TFPI: variants seen among roughly 807,000 people sequenced by gnomAD.
TFPI encodes tissue factor pathway inhibitor.
TFPI carries 15 observed loss-of-function variants against 34.6 expected under a neutral mutation model. That is an observed-to-expected ratio of 0.43 (90% CI 0.29 to 0.67). TFPI has a LOEUF of 0.67. TFPI is among the 30% of genes least tolerant of loss of function. The pLI, the probability that TFPI is intolerant of heterozygous loss-of-function variation, is 0.15. For synonymous variants in TFPI, 105 were observed against 120.1 expected, an observed-to-expected ratio of 0.87 and a Z score of 0.82; for missense variants, 301 against 364.0, an observed-to-expected ratio of 0.83 and a Z score of 1.41.
intron 3 of TFPI, 59 bp downstream of exon 3, chr2:187,496,822 C>A: frequency 7.0e-7 from 1 of 1,419,250 alleles, no homozygotes; most frequent in Non-Finnish European, 9.7e-7. Flanking sequence ...TTATCAAATC[C>A]ATAATTAGAC....
chr2:187,530,514 C>G (rs1687906973), intron 1 of TFPI, among the ~76,000 whole-genome samples: 1 of 152,188 alleles, frequency 6.6e-6, no homozygotes, highest in Admixed American at 6.5e-5. Flanking sequence ...TATCTCTTCA[C>G]TTTTGGCATC....
chr2:187,512,182 C>T (rs1019058438), intron 1 of TFPI, among the ~76,000 whole-genome samples: 4 of 150,570 alleles, frequency 2.7e-5, no homozygotes, highest in Admixed American at 6.6e-5. Flanking sequence ...CACTCTGTAG[C>T]GGCAACTGCT....
intron 1 of TFPI, among the ~76,000 whole-genome samples, chr2:187,546,441 A>G (rs549775310): frequency 7.4e-4 from 112 of 151,468 alleles, no homozygotes; most frequent in Non-Finnish European, 1.4e-3. Context: ...GAAAAAAAAC[A>G]AATAAAAGTT....
At chr2:187,483,102 C>T (rs1237396576) in intron 6 of TFPI, among the ~76,000 whole-genome samples, 1 of 151,894 alleles carries the variant, frequency 6.6e-6, no homozygotes, top group Non-Finnish European at 1.5e-5. Flanking sequence ...TTTAATGCTT[C>T]AAATCCACGT....
At chr2:187,522,815 CG>C (rs1440263669) in intron 1 of TFPI, among the ~76,000 whole-genome samples, 9 of 150,964 alleles carry the variant, frequency 6.0e-5, no homozygotes, top group Non-Finnish European at 1.3e-4. Context: ...GGCGTGAACC[CG>C]GGAGGTAGAG....
At chr2:187,526,136 A>T (rs373383620) in intron 1 of TFPI, among the ~76,000 whole-genome samples, 4 of 152,302 alleles carry the variant, frequency 2.6e-5, no homozygotes, top group South Asian at 4.1e-4. Flanking sequence ...ACAGAAGCTC[A>T]GTATTTATAG....
intron 6 of TFPI, among the ~76,000 whole-genome samples, chr2:187,471,964 T>A (rs1176739377): frequency 2.6e-5 from 4 of 152,052 alleles, no homozygotes; most frequent in African/African-American, 9.7e-5. Context: ...TAACAAATCT[T>A]TTTTAAAGTT....
At chr2:187,527,834 T>C (rs1475361261) in intron 1 of TFPI, among the ~76,000 whole-genome samples, 2 of 152,134 alleles carry the variant, frequency 1.3e-5, no homozygotes, top group Non-Finnish European at 2.9e-5. Flanking sequence ...GTATGTTGAA[T>C]AGTGCTATGC....
At chr2:187,528,685 T>C (rs1272907494) in intron 1 of TFPI, among the ~76,000 whole-genome samples, 3 of 152,288 alleles carry the variant, frequency 2.0e-5, no homozygotes, top group Admixed American at 1.3e-4. Context: ...TTTTCTCATT[T>C]GTATCTCATA....
chr2:187,524,375 T>C (rs1687572340), intron 1 of TFPI, among the ~76,000 whole-genome samples: 1 of 152,034 alleles, frequency 6.6e-6, no homozygotes, highest in African/African-American at 2.4e-5. Context: ...ACCAGTAATG[T>C]CTTCCTTTCT....
chr2:187,521,909 T>A (rs1428976944), intron 1 of TFPI, among the ~76,000 whole-genome samples: 2 of 152,056 alleles, frequency 1.3e-5, no homozygotes, highest in African/African-American at 4.8e-5. Context: ...ATGTTACATT[T>A]CGAGTTTTTA....
chr2:187,507,816 T>G (rs1686333921), intron 1 of TFPI, among the ~76,000 whole-genome samples: 1 of 152,206 alleles, frequency 6.6e-6, no homozygotes, highest in African/African-American at 2.4e-5. Context: ...TTAGTTTAAT[T>G]AGATCCCATT....
Position 187,503,773 on chromosome 2 carries a change from G to A in TFPI, c.-2-3C>T. The A allele has an allele frequency of 6.2e-7, 1 of 1,611,988 alleles. No individual in the cohort carries two copies. The highest frequency in any genetic ancestry group is 8.5e-7 in the Non-Finnish European group (1 of 1,178,784). On this transcript the variant is annotated splice_region_variant and splice_polypyrimidine_tract_variant and intron_variant, in intron 1 of 7. Coordinates refer to ENST00000233156, the MANE Select transcript of TFPI (RefSeq NM_006287.6). ...TTTCTTCATTGTGTAAATCATCTCT[G>A]AAATACAGAACCCATACATATCTAA...
At chr2:187,543,862 C>T (rs918042929) in intron 1 of TFPI, among the ~76,000 whole-genome samples, 8 of 152,186 alleles carry the variant, frequency 5.3e-5, no homozygotes, top group Non-Finnish European at 1.0e-4. Flanking sequence ...TCTCCTCCTT[C>T]TATTTGTCCT....
Position 187,503,826 on chromosome 2 carries a change from T to G in TFPI, c.-2-56A>C, listed in dbSNP as rs886462977. The G allele has an allele frequency of 1.1e-5, 17 of 1,584,566 alleles. No individual in the cohort carries two copies. In the Admixed American group the frequency reaches 2.9e-4, roughly 27 times the overall value. Reference sequence around the variant, plus strand: ...AATAAAGTGTTAATATGCACTCATTTACAGACTAGTAAACATCATATGTGT... The same window carrying G: ...AATAAAGTGTTAATATGCACTCATTGACAGACTAGTAAACATCATATGTGT... On this transcript the variant is annotated intron_variant, in intron 1 of 7. Transcript: ENST00000233156.
chr2:187,472,409 G>A (rs1692097198), intron 6 of TFPI, among the ~76,000 whole-genome samples: 1 of 152,076 alleles, frequency 6.6e-6, no homozygotes, highest in African/African-American at 2.4e-5. Context: ...TTAGAATTAT[G>A]CAAAATCTAT....
At position 187,526,323 on chromosome 2, in the gene TFPI, CAGGTCT is replaced by C. The variant is rs1442880679; in HGVS notation, c.-2-22559_-2-22554del. Among the ~76,000 whole-genome samples the C allele has an allele frequency of 2.0e-5, 3 of 152,160 alleles. No individual in the cohort carries two copies. The South Asian group carries it at 6.2e-4, about 32-fold the overall frequency. On this transcript the variant is annotated intron_variant, in intron 1 of 7. Coordinates refer to ENST00000233156, the MANE Select transcript of TFPI (RefSeq NM_006287.6). ...CTACAAGTGGTAAGGTGAAGCAGTACAGGTCTCAATGTAAAAGACATGTTCTAAAGA... is the reference window on the plus strand; with the variant it reads ...CTACAAGTGGTAAGGTGAAGCAGTACCAATGTAAAAGACATGTTCTAAAGA...
intron 5 of TFPI, 135 bp from the exon 6 acceptor site, chr2:187,484,351 G>A (rs1443258768): frequency 7.7e-6 from 5 of 653,286 alleles, no homozygotes; most frequent in African/African-American, 5.5e-5. Flanking sequence ...TTAGCAAACA[G>A]TGAATCTTTA....
At position 187,503,228 on chromosome 2, in the gene TFPI, G is replaced by C. The variant is rs190749965; in HGVS notation, c.121+420C>G. On this transcript the variant is annotated intron_variant, in intron 2 of 7. Coordinates refer to ENST00000233156, the MANE Select transcript of TFPI (RefSeq NM_006287.6). The stretch of plus-strand genomic sequence containing the variant: ...GGAAGTTTTGATTTTGGAAATATGG[G>C]GAAGAAAGAGAGAATAGCTGAAACC... 2.3e-3 allele frequency among the ~76,000 whole-genome samples: 344 copies of C among 151,916 alleles called. 2 individuals are homozygous for C. Among genetic ancestry groups the C allele is most frequent in the African/African-American group, 7.5e-3 (311 of 41,460 alleles).
Sources: gnomAD v4.1 joint callset for allele counts (sites outside exome capture counted in the v4.1 genomes callset) on GRCh38, gnomAD v4.1.1 for gene constraint, MANE v1.5 for transcripts, NCBI Gene and HGNC (gene_info 2026-07-23, HGNC 2026-07-21) for gene names.